The following ATP2B2 variants were observed in gnomAD, a reference collection of about 807,000 sequenced individuals.
The protein encoded by ATP2B2 is ATPase plasma membrane Ca2+ transporting 2, also known as plasma membrane calcium-transporting ATPase 2.
A neutral mutation model predicts 120.0 loss-of-function variants in ATP2B2; 15 were observed. That is an observed-to-expected ratio of 0.12 (90% CI 0.08 to 0.19). The LOEUF (loss-of-function observed/expected upper bound fraction) is 0.19, where lower values mean the gene tolerates loss of function less well. Ranked by LOEUF, ATP2B2 falls within the 10% of genes least tolerant of loss-of-function variation. The pLI is 1.00. For missense variants in ATP2B2, 1,045 were observed against 1,719.8 expected (o/e 0.61, Z 6.94); for synonymous variants, 694 against 700.3 (o/e 0.99, Z 0.14).
intron 2 of ATP2B2, among the ~76,000 whole-genome samples, chr3:10,606,469 A>C (rs778819277): frequency 4.3e-4 from 66 of 152,292 alleles, no homozygotes; most frequent in Non-Finnish European, 7.9e-4. Flanking sequence ...GTTAAAAGCC[A>C]GGATTAAGGT....
chr3:10,399,413 G>A (rs1451620382), intron 5 of ATP2B2, among the ~76,000 whole-genome samples: 1 of 152,098 alleles, frequency 6.6e-6, no homozygotes, highest in Admixed American at 6.5e-5. Flanking sequence ...TTTCAGACAG[G>A]GCTTCCCTGA....
intron 2 of ATP2B2, among the ~76,000 whole-genome samples, chr3:10,437,474 C>T (rs1390882191): frequency 6.6e-6 from 1 of 152,178 alleles, no homozygotes; most frequent in Non-Finnish European, 1.5e-5. Flanking sequence ...GGTTCAGACC[C>T]AGGATGTCTG....
intron 1 of ATP2B2, among the ~76,000 whole-genome samples, chr3:10,470,086 A>G (rs1279045282): frequency 1.3e-5 from 2 of 152,092 alleles, no homozygotes; most frequent in East Asian, 3.9e-4. Flanking sequence ...CAGATGGGAA[A>G]ACAGACCTGG....
intron 2 of ATP2B2, among the ~76,000 whole-genome samples, chr3:10,430,945 T>C (rs2125100649): frequency 1.3e-5 from 2 of 151,806 alleles, no homozygotes; most frequent in South Asian, 4.2e-4. Flanking sequence ...GTGCTATTTC[T>C]GATACTGAGA....
chr3:10,438,913 G>A (rs1454075715), intron 2 of ATP2B2, among the ~76,000 whole-genome samples: 1 of 152,262 alleles, frequency 6.6e-6, no homozygotes, highest in East Asian at 1.9e-4. Flanking sequence ...ATTGGAAACT[G>A]GGGTCTAGGC....
intron 1 of ATP2B2, among the ~76,000 whole-genome samples, chr3:10,686,530 T>A (rs776487994): frequency 3.9e-5 from 6 of 152,068 alleles, no homozygotes; most frequent in Non-Finnish European, 7.4e-5. Context: ...GGTGGGTGCC[T>A]GTAGTCCCAG....
At position 10,329,194 on chromosome 3, in the gene ATP2B2, A is replaced by C; in HGVS notation, c.3421-69T>G. Reference sequence around the variant, plus strand: ...CAGCCAGGCTCGGGGGGCTCACAGGAGGGGCGGGTGGGAGAAGGGTTAGGG... The same window carrying C: ...CAGCCAGGCTCGGGGGGCTCACAGGCGGGGCGGGTGGGAGAAGGGTTAGGG... On this transcript the variant is annotated intron_variant, in intron 22 of 22. Coordinates refer to ENST00000360273, the MANE Select transcript of ATP2B2 (RefSeq NM_001001331.4). This position sits in a 1 kb window ranked among gnomAD's most constrained non-coding sequence, Gnocchi z 5.9. 327 of 492,968 alleles carry C rather than the reference A, an allele frequency of 6.6e-4. No individual in the cohort carries two copies. The highest frequency in any genetic ancestry group is 1.0e-3 in the Non-Finnish European group (298 of 294,106). The allele number at this position is 492,968 out of a possible 1,614,324, so 30.5% of individuals were successfully genotyped here.
At chr3:10,521,627 GA>G (rs1356761129) in intron 3 of ATP2B2, among the ~76,000 whole-genome samples, 1 of 152,236 alleles carries the variant, frequency 6.6e-6, no homozygotes, top group East Asian at 1.9e-4. Flanking sequence ...TGTGGGAACG[GA>G]GGTGAAATGT....
chr3:10,674,851 G>A (rs1017418820), intron 1 of ATP2B2, among the ~76,000 whole-genome samples: 2 of 152,198 alleles, frequency 1.3e-5, no homozygotes, highest in Non-Finnish European at 2.9e-5. Flanking sequence ...GGGACGCACT[G>A]TATTATCTAG....
At chr3:10,538,889 G>A (rs1559447622) in intron 2 of ATP2B2, among the ~76,000 whole-genome samples, 1 of 152,144 alleles carries the variant, frequency 6.6e-6, no homozygotes, top group Non-Finnish European at 1.5e-5. Context: ...AATCAGGCAG[G>A]AGAAAGAAAT....
chr3:10,679,646 A>T (rs1053732165), intron 1 of ATP2B2, among the ~76,000 whole-genome samples: 7 of 152,326 alleles, frequency 4.6e-5, no homozygotes, highest in African/African-American at 1.7e-4. Flanking sequence ...CTGTGGCTTT[A>T]TCTCCAGCAG....
intron 1 of ATP2B2, among the ~76,000 whole-genome samples, chr3:10,502,296 G>A (rs533483563): frequency 6.6e-6 from 1 of 152,330 alleles, no homozygotes; most frequent in South Asian, 2.1e-4. Flanking sequence ...TCTGGCAGCT[G>A]TGGCATAAAA....
In ATP2B2 at chr3:10,663,087, T is replaced by C. The variant is rs567615697; in HGVS notation, c.-459-43126A>G. Among the ~76,000 whole-genome samples, 5 of 99,454 alleles carry C rather than the reference T, an allele frequency of 5.0e-5. No individual in the cohort carries two copies. The East Asian group carries it at 1.8e-3, about 36-fold the overall frequency. 65.2% of individuals were successfully genotyped at this position (99,454 alleles called of 152,430 possible). On this transcript the variant is annotated intron_variant, in intron 1 of 21. Transcript: ENST00000646379. ...AAGGGGAACATCACACACCGGGGCCTGTTTTGGGGTGGGGGGAGGGGGGAG... is the reference window on the plus strand; with the variant it reads ...AAGGGGAACATCACACACCGGGGCCCGTTTTGGGGTGGGGGGAGGGGGGAG...
chr3:10,674,226 C>G (rs1265033894), intron 1 of ATP2B2, among the ~76,000 whole-genome samples: 1 of 152,168 alleles, frequency 6.6e-6, no homozygotes, highest in East Asian at 1.9e-4. Context: ...TACTCTCTAC[C>G]TGGTTGGTCC....
chr3:10,568,732 A>C (rs969342765), intron 2 of ATP2B2, among the ~76,000 whole-genome samples: 3 of 152,112 alleles, frequency 2.0e-5, no homozygotes, highest in Non-Finnish European at 1.5e-5. Context: ...GCTTTTCCCA[A>C]TGTGTTCCCA....
chr3:10,574,912 C>T (rs1019513574), intron 2 of ATP2B2, among the ~76,000 whole-genome samples: 14 of 152,080 alleles, frequency 9.2e-5, no homozygotes, highest in African/African-American at 3.1e-4. Flanking sequence ...GTTTGTCTGT[C>T]CCTTGCAGGG....
chr3:10,663,971 C>T (rs2070857524), intron 1 of ATP2B2, among the ~76,000 whole-genome samples: 1 of 152,092 alleles, frequency 6.6e-6, no homozygotes, highest in African/African-American at 2.4e-5. Context: ...AACAATGATG[C>T]CAACTAACCC....
intron 12 of ATP2B2, 85 bp from the exon 13 acceptor site, chr3:10,360,208 T>C: frequency 6.6e-7 from 1 of 1,505,028 alleles, no homozygotes; most frequent in Admixed American, 2.1e-5. Flanking sequence ...GCTCTGGGAC[T>C]GCCACTTAGG....
chr3:10,354,528 G>A (rs558253919), intron 14 of ATP2B2, among the ~76,000 whole-genome samples: 69 of 152,266 alleles, frequency 4.5e-4, no homozygotes, highest in African/African-American at 1.6e-3. Context: ...CTGTGACTCC[G>A]AGGGCTTCAA....
Sources: allele counts gnomAD v4.1 joint callset (sites outside exome capture counted in the v4.1 genomes callset), GRCh38; gene constraint gnomAD v4.1.1; non-coding constraint Gnocchi (gnomAD v3.1); transcripts MANE v1.5; gene names NCBI Gene and HGNC (gene_info 2026-07-23, HGNC 2026-07-21).